HLCS: variants seen among roughly 807,000 people sequenced by gnomAD.
HLCS encodes biotin--protein ligase.
In HLCS, 53 loss-of-function variants were observed where a neutral mutation model predicts 75.0. The ratio of observed to expected loss-of-function variants is 0.71; its 90% confidence interval spans 0.57 to 0.89. The LOEUF (loss-of-function observed/expected upper bound fraction) is 0.89. Among genes scored for constraint, HLCS ranks in the 40% least tolerant of loss-of-function variants. The probability of loss-of-function intolerance (pLI) is 0.00; values close to 1 mark genes in which losing one functional copy is unlikely to be tolerated. For missense variants in HLCS, 966 were observed against 1,074.0 expected (o/e 0.90, Z 1.41); for synonymous variants, 431 against 428.6 (o/e 1.01, Z -0.07).
At chr21:36,777,397 C>T (rs377763457) in intron 6 of HLCS, among the ~76,000 whole-genome samples, 4 of 152,226 alleles carry the variant, frequency 2.6e-5, no homozygotes, top group African/African-American at 4.8e-5. Flanking sequence ...AGCTCTCATG[C>T]GGCACGAAAA....
chr21:36,856,410 C>A (rs2063194936), intron 6 of HLCS, among the ~76,000 whole-genome samples: 1 of 152,184 alleles, frequency 6.6e-6, no homozygotes, highest in South Asian at 2.1e-4. Context: ...GCTATTTAGA[C>A]TGCGGAAGGC....
At chr21:36,838,244 C>G (rs1024538655) in intron 6 of HLCS, among the ~76,000 whole-genome samples, 29 of 151,880 alleles carry the variant, frequency 1.9e-4, no homozygotes, top group African/African-American at 6.8e-4. Context: ...CTTCCTGCCA[C>G]CAGGTAGCTG....
chr21:36,844,089 C>T (rs1228557680), intron 6 of HLCS, among the ~76,000 whole-genome samples: 1 of 152,152 alleles, frequency 6.6e-6, no homozygotes, highest in Non-Finnish European at 1.5e-5. Flanking sequence ...AACACATGCT[C>T]ATATGAGAAT....
chr21:36,825,883 C>T (rs2061991858), intron 6 of HLCS, among the ~76,000 whole-genome samples: 1 of 152,192 alleles, frequency 6.6e-6, no homozygotes, highest in Non-Finnish European at 1.5e-5. Context: ...TGGCATTCTG[C>T]CAACCAACAC....
In HLCS at chr21:36,935,638, C is replaced by T. The variant is rs2066845677; in HGVS notation, c.1437+811G>A. 1.3e-5 allele frequency among the ~76,000 whole-genome samples: 2 copies of T among 152,148 alleles called. 1 individual carries two copies. Among genetic ancestry groups the T allele is most frequent in the African/African-American group, 4.8e-5 (2 of 41,428 alleles). ...CATTAGAGCATCAAATCCTTTAGGG[C>T]AAGTGAATGTTCATCTAACTCTAAT... On this transcript the variant is annotated intron_variant, in intron 4 of 10. Transcript: ENST00000674895.
intron 1 of HLCS, among the ~76,000 whole-genome samples, chr21:36,972,478 A>G (rs546667985): frequency 2.1e-4 from 32 of 152,320 alleles, no homozygotes; most frequent in African/African-American, 7.2e-4. Flanking sequence ...AATTGTTGAC[A>G]GAATGACAAT....
intron 6 of HLCS, among the ~76,000 whole-genome samples, chr21:36,839,286 AG>A (rs955527528): frequency 2.0e-5 from 3 of 152,238 alleles, no homozygotes; most frequent in African/African-American, 7.2e-5. Context: ...TACTGGATCC[AG>A]TCCAACGTGA....
chr21:36,915,220 C>T (rs931359028), intron 5 of HLCS, among the ~76,000 whole-genome samples: 8 of 152,220 alleles, frequency 5.3e-5, no homozygotes, highest in Admixed American at 4.6e-4. Context: ...CTGGGCTGAC[C>T]GCAGCTTCTT....
chr21:36,870,750 C>A (rs1290115032), intron 6 of HLCS, among the ~76,000 whole-genome samples: 2 of 152,122 alleles, frequency 1.3e-5, no homozygotes, highest in Non-Finnish European at 2.9e-5. Flanking sequence ...AAATCATGAG[C>A]TAGAGATATC....
At chr21:36,891,999 G>A (rs921028559) in intron 6 of HLCS, among the ~76,000 whole-genome samples, 5 of 152,162 alleles carry the variant, frequency 3.3e-5, no homozygotes, top group Non-Finnish European at 5.9e-5. Flanking sequence ...ATGGCAGAGC[G>A]CTGAGGCCTT....
chr21:36,877,317 G>C (rs935062050), intron 6 of HLCS, among the ~76,000 whole-genome samples: 8 of 151,530 alleles, frequency 5.3e-5, no homozygotes, highest in African/African-American at 1.9e-4. Flanking sequence ...TTTTTTGTGT[G>C]TGTTTCTAGT....
chr21:36,886,956 G>C (rs1175693524), intron 6 of HLCS, among the ~76,000 whole-genome samples: 1 of 152,012 alleles, frequency 6.6e-6, no homozygotes, highest in Non-Finnish European at 1.5e-5. Context: ...GTGAAACCCT[G>C]TCTCTACTAA....
chr21:36,823,330 C>A (rs2061902820), intron 6 of HLCS, among the ~76,000 whole-genome samples: 1 of 152,136 alleles, frequency 6.6e-6, no homozygotes, highest in Non-Finnish European at 1.5e-5. Context: ...TGCCGACACA[C>A]CATCTTCTTT....
chr21:36,784,896 T>G (rs1016058233), intron 6 of HLCS, among the ~76,000 whole-genome samples: 1 of 152,090 alleles, frequency 6.6e-6, no homozygotes, highest in African/African-American at 2.4e-5. Flanking sequence ...CCTTATGAAA[T>G]TTACATAAAT....
chr21:36,929,076 C>G (rs2066524227), intron 5 of HLCS, among the ~76,000 whole-genome samples: 1 of 152,178 alleles, frequency 6.6e-6, no homozygotes, highest in Admixed American at 6.5e-5. Flanking sequence ...CTAAATACAC[C>G]AGAAATGCCA....
intron 1 of HLCS, among the ~76,000 whole-genome samples, chr21:36,976,457 A>G (rs1199141162): frequency 6.6e-6 from 1 of 151,976 alleles, no homozygotes; most frequent in African/African-American, 2.4e-5. Flanking sequence ...GGTGGTGTGC[A>G]CCTGCAATCC....
chr21:36,868,278 A>G (rs546106887), intron 6 of HLCS, among the ~76,000 whole-genome samples: 5 of 108,546 alleles, frequency 4.6e-5, no homozygotes, highest in Non-Finnish European at 9.0e-5. Flanking sequence ...AAGGAAGGAA[A>G]GAAAGAAAGA....
At chr21:36,899,017 C>A (rs934611015) in intron 5 of HLCS, among the ~76,000 whole-genome samples, 1 of 152,118 alleles carries the variant, frequency 6.6e-6, no homozygotes, top group Admixed American at 6.5e-5. Context: ...GCCAAGATGG[C>A]GCCACTGCAC....
intron 1 of HLCS, among the ~76,000 whole-genome samples, chr21:36,989,071 C>G (rs2069286486): frequency 6.6e-6 from 1 of 150,672 alleles, no homozygotes; most frequent in Non-Finnish European, 1.5e-5. Flanking sequence ...GGGTCTCACT[C>G]CCTCACCCAG....
Sources: allele counts gnomAD v4.1 joint callset (sites outside exome capture counted in the v4.1 genomes callset), GRCh38; gene constraint gnomAD v4.1.1; transcripts MANE v1.5; gene names NCBI Gene and HGNC (gene_info 2026-07-23, HGNC 2026-07-21).